MAN1A2: variants seen among roughly 807,000 people sequenced by gnomAD.
MAN1A2 encodes the protein mannosidase alpha class 1A member 2, also known as mannosyl-oligosaccharide 1,2-alpha-mannosidase IB.
A neutral mutation model predicts 75.7 loss-of-function variants in MAN1A2; 26 were observed. The observed-to-expected ratio is 0.34, with a 90% CI of 0.25 to 0.48. The LOEUF is 0.48. Among genes scored for constraint, MAN1A2 ranks in the 20% least tolerant of loss-of-function variants. MAN1A2 has a pLI of 0.99. For missense variants in MAN1A2, 562 were observed against 775.5 expected, an observed-to-expected ratio of 0.72 and a Z score of 3.27; for synonymous variants, 247 against 264.6, an observed-to-expected ratio of 0.93 and a Z score of 0.65.
chr1:117,377,789 G>A (rs1653203044), intron 1 of MAN1A2, among the ~76,000 whole-genome samples: 1 of 152,116 alleles, frequency 6.6e-6, no homozygotes, highest in African/African-American at 2.4e-5. Flanking sequence ...TTTCATATCT[G>A]GTAGGTTAAG....
chr1:117,411,701 C>T (rs1265085906), intron 3 of MAN1A2, among the ~76,000 whole-genome samples: 1 of 151,708 alleles, frequency 6.6e-6, no homozygotes, highest in Non-Finnish European at 1.5e-5. Flanking sequence ...AATACTTCCC[C>T]ACCCAAGGAG....
At chr1:117,463,238 CA>C (rs1474095810) in intron 7 of MAN1A2, among the ~76,000 whole-genome samples, 2 of 151,554 alleles carry the variant, frequency 1.3e-5, no homozygotes, top group Non-Finnish European at 1.5e-5. Flanking sequence ...CCAAAATAAA[CA>C]AAAACGAAAA....
At chr1:117,496,344 A>G (rs1332227711) in intron 9 of MAN1A2, among the ~76,000 whole-genome samples, 1 of 152,028 alleles carries the variant, frequency 6.6e-6, no homozygotes, top group Non-Finnish European at 1.5e-5. Context: ...TGATATACTC[A>G]AGTTTAATAT....
intron 6 of MAN1A2, among the ~76,000 whole-genome samples, chr1:117,450,583 C>G (rs1649378372): frequency 6.6e-6 from 1 of 152,164 alleles, no homozygotes; most frequent in African/African-American, 2.4e-5. Flanking sequence ...GGCAGCCCCT[C>G]CCATCACAGG....
intron 6 of MAN1A2, among the ~76,000 whole-genome samples, chr1:117,458,523 A>ATATTTTTTTTTTTTT (rs1553236643): frequency 7.0e-4 from 74 of 105,508 alleles, no homozygotes; most frequent in Non-Finnish European, 1.2e-3. Context: ...ATATATATAT[A>ATATTTTTTTTTTTTT]TTTTTTTTTT....
chr1:117,438,872 T>C (rs1013641999), intron 5 of MAN1A2, among the ~76,000 whole-genome samples: 21 of 152,172 alleles, frequency 1.4e-4, no homozygotes, highest in Non-Finnish European at 2.8e-4. Context: ...TAATGATGCA[T>C]TTCTTAGCAC....
At chr1:117,379,782 T>G (rs2101724226) in intron 1 of MAN1A2, among the ~76,000 whole-genome samples, 1 of 152,256 alleles carries the variant, frequency 6.6e-6, no homozygotes, top group South Asian at 2.1e-4. Flanking sequence ...GTTTTTGAGG[T>G]TGATCCACAC....
At chr1:117,372,771 C>A in intron 1 of MAN1A2, among the ~76,000 whole-genome samples, 1 of 147,978 alleles carries the variant, frequency 6.8e-6, no homozygotes, top group African/African-American at 2.5e-5. Flanking sequence ...TTAAAACTGA[C>A]ATTTGTTTTA....
At chr1:117,376,398 G>T (rs759477655) in intron 1 of MAN1A2, among the ~76,000 whole-genome samples, 5 of 152,254 alleles carry the variant, frequency 3.3e-5, no homozygotes, top group Admixed American at 1.3e-4. Context: ...ACCCATGTGA[G>T]TGTGTGCTTG....
intron 1 of MAN1A2, among the ~76,000 whole-genome samples, chr1:117,383,124 A>T (rs899910478): frequency 1.3e-5 from 2 of 152,168 alleles, no homozygotes; most frequent in African/African-American, 2.4e-5. Flanking sequence ...CTTAGGGGCA[A>T]AGCTTTCAGT....
chr1:117,451,094 G>A (rs1252176459), intron 6 of MAN1A2, among the ~76,000 whole-genome samples: 1 of 152,206 alleles, frequency 6.6e-6, no homozygotes, highest in East Asian at 1.9e-4. Flanking sequence ...GCACCCAGGA[G>A]GTTGGGCTAT....
chr1:117,489,745 AT>A (rs1349164933), intron 8 of MAN1A2, among the ~76,000 whole-genome samples: 3 of 151,950 alleles, frequency 2.0e-5, no homozygotes, highest in African/African-American at 7.2e-5. Flanking sequence ...ATTCTTTTGC[AT>A]TTTACTTTTA....
rs1647460545 is a variant in MAN1A2 at position 117,402,277 on chromosome 1, G to A, written c.394G>A (p.Glu132Lys). 3 of 1,613,656 alleles carry A rather than the reference G, an allele frequency of 1.9e-6. No individual in the cohort carries two copies. The highest frequency in any genetic ancestry group is 2.5e-6 in the Non-Finnish European group (3 of 1,179,794). Residue 132 changes from glutamate (E) to lysine (K), a missense_variant, in exon 2 of 13, where the codon GAA becomes AAA. By Grantham distance (56) the Glu-to-Lys change is moderately conservative. This residue lies in a region of MAN1A2 where 434 missense variants were observed against 645.7 expected (regional missense o/e 0.67). Coordinates refer to ENST00000356554, the MANE Select transcript of MAN1A2 (RefSeq NM_006699.5). ...AGAAAAATTAAGAAAGTCAAGAGAG[G>A]AAATTCGAGCAGAAATTCAGACAGA... ...AKEKLRKSRE[E>K]IRAEIQTEKN...
At chr1:117,510,188 C>G (rs997177888) in intron 12 of MAN1A2, among the ~76,000 whole-genome samples, 1 of 151,792 alleles carries the variant, frequency 6.6e-6, no homozygotes, top group Non-Finnish European at 1.5e-5. Flanking sequence ...TCTCTGCTCC[C>G]TGTGTGAAGA....
chr1:117,518,510 A>G (rs939568930), intron 12 of MAN1A2, among the ~76,000 whole-genome samples: 2 of 152,022 alleles, frequency 1.3e-5, no homozygotes, highest in African/African-American at 4.8e-5. Flanking sequence ...TGATTTAAAA[A>G]AACAGTAAAG....
intron 6 of MAN1A2, among the ~76,000 whole-genome samples, chr1:117,443,435 G>A (rs976649348): frequency 6.6e-6 from 1 of 152,078 alleles, no homozygotes; most frequent in Non-Finnish European, 1.5e-5. Context: ...GCTTGTTCTC[G>A]TTCCTTAGTT....
intron 1 of MAN1A2, among the ~76,000 whole-genome samples, chr1:117,379,460 A>G (rs1169192430): frequency 1.3e-5 from 2 of 152,060 alleles, no homozygotes; most frequent in African/African-American, 4.8e-5. Flanking sequence ...TTTCATAAGC[A>G]TTTATTTTTT....
chr1:117,457,244 AC>A (rs1336710592), intron 6 of MAN1A2, among the ~76,000 whole-genome samples: 1 of 152,056 alleles, frequency 6.6e-6, no homozygotes, highest in Non-Finnish European at 1.5e-5. Flanking sequence ...AGAGAAACAT[AC>A]GTTTTGCTTG....
chr1:117,484,983 G>T (rs959817208), intron 8 of MAN1A2, among the ~76,000 whole-genome samples: 1 of 151,782 alleles, frequency 6.6e-6, no homozygotes, highest in African/African-American at 2.4e-5. Context: ...AAAAATTCAC[G>T]TGTAAGTGGA....
Sources: allele counts gnomAD v4.1 joint callset (sites outside exome capture counted in the v4.1 genomes callset), GRCh38; gene constraint gnomAD v4.1.1; regional missense constraint gnomAD v4.1.1; transcripts MANE v1.5; gene names NCBI Gene and HGNC (gene_info 2026-07-23, HGNC 2026-07-21).